The following CRKL variants were observed in gnomAD, a reference collection of about 807,000 sequenced individuals.
CRKL encodes the protein crk-like protein.
Under a neutral mutation model 23.0 loss-of-function variants are expected in CRKL, and 3 were observed. The observed-to-expected ratio is 0.13, with a 90% CI of 0.06 to 0.34. CRKL has a LOEUF of 0.34. CRKL is among the 10% of genes least tolerant of loss of function. The pLI is 1.00. For missense variants in CRKL, 256 were observed against 394.5 expected (o/e 0.65, Z 2.97); for synonymous variants, 188 against 160.7 (o/e 1.17, Z -1.28).
intron 2 of CRKL, among the ~76,000 whole-genome samples, chr22:20,936,489 C>G (rs1242613481): frequency 6.6e-6 from 1 of 152,094 alleles, no homozygotes; most frequent in Non-Finnish European, 1.5e-5. Context: ...GCTGGGATTA[C>G]AGGCATGTGC....
At position 20,942,716 on chromosome 22, in the gene CRKL, G is replaced by A. The variant is rs139284088; in HGVS notation, c.778-6995G>A. ...GCTCACTGCAACCTCCATCTCCTGGGTTCAAGCGATTTCTCCTGCCTCAGC... is the reference window on the plus strand; with the variant it reads ...GCTCACTGCAACCTCCATCTCCTGGATTCAAGCGATTTCTCCTGCCTCAGC... On this transcript the variant is annotated intron_variant, in intron 2 of 2. Coordinates refer to ENST00000354336, the MANE Select transcript of CRKL (RefSeq NM_005207.4). Among the ~76,000 whole-genome samples, 204 of 152,198 alleles carry A rather than the reference G, an allele frequency of 1.3e-3. 1 individual carries two copies. Among genetic ancestry groups the A allele is most frequent in the African/African-American group, 4.8e-3 (199 of 41,534 alleles).
intron 2 of CRKL, among the ~76,000 whole-genome samples, chr22:20,941,327 C>A (rs1054476537): frequency 1.3e-5 from 2 of 151,722 alleles, no homozygotes; most frequent in African/African-American, 4.8e-5. Context: ...CAGGACTGAC[C>A]AGGATCCTCC....
intron 1 of CRKL, among the ~76,000 whole-genome samples, chr22:20,924,371 G>A (rs994575134): frequency 6.6e-6 from 1 of 152,154 alleles, no homozygotes; most frequent in African/African-American, 2.4e-5. Context: ...GAAACAAGAA[G>A]CATGGTTGTG....
chr22:20,929,251 G>C (rs1013969941), intron 1 of CRKL, among the ~76,000 whole-genome samples: 2 of 151,894 alleles, frequency 1.3e-5, no homozygotes, highest in Non-Finnish European at 2.9e-5. Context: ...TGCAAGCTCT[G>C]CCTCCCGGGT....
At chr22:20,933,663 G>A (rs1442602574) in intron 1 of CRKL, 116 bp from the exon 2 acceptor site, 2 of 900,522 alleles carry the variant, frequency 2.2e-6, no homozygotes, top group Non-Finnish European at 3.3e-6. Context: ...AGCAAAACTT[G>A]TCTCATAAAA....
At chr22:20,919,561 AT>A (rs1929809523) in intron 1 of CRKL, among the ~76,000 whole-genome samples, 1 of 152,114 alleles carries the variant, frequency 6.6e-6, no homozygotes, top group Non-Finnish European at 1.5e-5. Context: ...ATTTGCTTTT[AT>A]TGTTGTGTTT....
rs753956143 is a variant in CRKL, at chr22:20,918,133, C to T, written c.199C>T (p.Pro67Ser). The T allele has an allele frequency of 1.9e-5, 31 of 1,614,072 alleles. No homozygotes were observed. Among genetic ancestry groups the T allele is most frequent in the Non-Finnish European group, 2.4e-5 (28 of 1,180,056 alleles). ...RVSHYIINSL[P>S]NRRFKIGDQE... ...CTCCCACTACATCATCAACTCGCTG[C>T]CCAACCGCCGTTTTAAGATCGGGGA... The change falls in exon 1 of 3, where the codon CCC becomes TCC. Residue 67 changes from proline to serine, a missense_variant. Pro to Ser is a moderately conservative substitution (Grantham distance 74, BLOSUM62 -1). Coordinates refer to ENST00000354336, the MANE Select transcript of CRKL (RefSeq NM_005207.4).
At chr22:20,940,033 G>A (rs1427437615) in intron 2 of CRKL, among the ~76,000 whole-genome samples, 1 of 151,526 alleles carries the variant, frequency 6.6e-6, no homozygotes, top group African/African-American at 2.4e-5. Context: ...CAGGCAATCC[G>A]CCCGCCTCAG....
chr22:20,950,338 T>TTC lies in CRKL; in HGVS notation c.*493_*494insTC, dbSNP rs397819599. 4.3e-6 allele frequency: 1 copy of TTC among 233,004 alleles called. No individual in the cohort carries two copies. Among genetic ancestry groups the TTC allele is most frequent in the South Asian group, 1.8e-4 (1 of 5,486 alleles). The allele number at this position is 233,004 out of a possible 1,614,324, so 14.4% of individuals were successfully genotyped here. On this transcript the variant is annotated 3_prime_UTR_variant, in exon 3 of 3. Coordinates refer to ENST00000354336, the MANE Select transcript of CRKL (RefSeq NM_005207.4). ...AACTCCAAAATCTGGCTTTTTTTTT[T>TTC]CTTTTGTTTTGGTTTGGTTTTGGAA...
chr22:20,935,399 G>A (rs1348297395), intron 2 of CRKL, among the ~76,000 whole-genome samples: 3 of 151,866 alleles, frequency 2.0e-5, no homozygotes, highest in Admixed American at 6.6e-5. Context: ...AGACATGTGC[G>A]ACCACGCCCA....
chr22:20,948,627 G>A (rs145670333), intron 2 of CRKL, among the ~76,000 whole-genome samples: 161 of 152,268 alleles, frequency 1.1e-3, no homozygotes, highest in Admixed American at 1.8e-3. Context: ...ATGCTCCAAA[G>A]TTCATGGCAC....
intron 1 of CRKL, among the ~76,000 whole-genome samples, chr22:20,920,355 A>G (rs777068945): frequency 4.6e-5 from 7 of 152,164 alleles, no homozygotes; most frequent in East Asian, 1.9e-4. Flanking sequence ...ACAAAAAATT[A>G]GCTGGGCGTA....
intron 2 of CRKL, among the ~76,000 whole-genome samples, chr22:20,944,785 G>A (rs5761467): frequency 0.77 from 115,765 of 151,118 alleles, 44,865 homozygotes; most frequent in East Asian, 0.92. Flanking sequence ...CCTCACTCCC[G>A]CTCCATTGCC....
intron 1 of CRKL, among the ~76,000 whole-genome samples, chr22:20,929,760 C>T (rs1466887716): frequency 6.6e-6 from 1 of 152,146 alleles, no homozygotes; most frequent in Non-Finnish European, 1.5e-5. Context: ...TGCGCCTGGG[C>T]AACACTTTAT....
chr22:20,924,095 GA>G (rs1921102391), intron 1 of CRKL, among the ~76,000 whole-genome samples: 2 of 152,178 alleles, frequency 1.3e-5, no homozygotes, highest in African/African-American at 4.8e-5. Context: ...GGCTGAAGTG[GA>G]AAGATTGCTT....
intron 1 of CRKL, among the ~76,000 whole-genome samples, chr22:20,924,869 C>T (rs1420686364): frequency 1.3e-5 from 2 of 151,260 alleles, no homozygotes; most frequent in Admixed American, 6.6e-5. Flanking sequence ...CACTGTCATG[C>T]TGAGAATGGA....
intron 2 of CRKL, among the ~76,000 whole-genome samples, chr22:20,936,188 A>C (rs1331572172): frequency 2.0e-5 from 3 of 152,098 alleles, no homozygotes; most frequent in African/African-American, 7.2e-5. Flanking sequence ...GTTGAGAGAG[A>C]GCCTAAGTGC....
intron 1 of CRKL, 71 bp downstream of exon 1, chr22:20,918,316 G>T (rs1017825060): frequency 6.6e-7 from 1 of 1,516,042 alleles, no homozygotes; most frequent in Non-Finnish European, 8.9e-7. Context: ...CTTGTATAGG[G>T]GGGTGGGGCG....
intron 1 of CRKL, among the ~76,000 whole-genome samples, chr22:20,924,507 T>G (rs1297742015): frequency 6.6e-6 from 1 of 152,136 alleles, no homozygotes; most frequent in Non-Finnish European, 1.5e-5. Context: ...AATAAACCCC[T>G]TTGCGTTTCT....
Sources: allele counts gnomAD v4.1 joint callset (sites outside exome capture counted in the v4.1 genomes callset), GRCh38; gene constraint gnomAD v4.1.1; transcripts MANE v1.5; gene names NCBI Gene and HGNC (gene_info 2026-07-23, HGNC 2026-07-21).